The following FAM234B variants were observed in gnomAD, a reference collection of about 807,000 sequenced individuals.
FAM234B encodes the protein family with sequence similarity 234 member B, also known as protein FAM234B.
Under a neutral mutation model 69.3 loss-of-function variants are expected in FAM234B, and 33 were observed. The observed-to-expected ratio is 0.48, with a 90% CI of 0.36 to 0.64. FAM234B has a LOEUF of 0.64. Ranked by LOEUF, FAM234B falls within the 30% of genes least tolerant of loss-of-function variation. The pLI, the probability that FAM234B is intolerant of heterozygous loss-of-function variation, is 0.00. For synonymous variants in FAM234B, 306 were observed against 306.9 expected (o/e 1.00, Z 0.03); for missense variants, 697 against 769.7 (o/e 0.91, Z 1.12).
chr12:13,080,869 G>A lies in FAM234B; in HGVS notation c.*239G>A, dbSNP rs1340979446. On this transcript the variant is annotated 3_prime_UTR_variant, in exon 13 of 13. Transcript: ENST00000197268. ...CATTAATCCCCTCTAGGAACTCTGC[G>A]TGGATCGTTTGGAAATGTGAATCTC... 6 of 435,066 alleles carry A rather than the reference G, an allele frequency of 1.4e-5. No individual in the cohort carries two copies. Among genetic ancestry groups the A allele is most frequent in the South Asian group, 6.5e-5 (1 of 15,442 alleles). 27.0% of individuals were successfully genotyped at this position (435,066 alleles called of 1,614,324 possible).
chr12:13,065,950 A>G (rs1377459179), intron 5 of FAM234B, among the ~76,000 whole-genome samples: 5 of 152,210 alleles, frequency 3.3e-5, no homozygotes, highest in Non-Finnish European at 1.5e-5. Flanking sequence ...CTCTACCCCA[A>G]AAGAAATCCT....
At position 13,068,654 on chromosome 12, in the gene FAM234B, T is replaced by C; in HGVS notation, c.1311T>C (p.Thr437=). 6.2e-7 allele frequency: 1 copy of C among 1,612,956 alleles called. No homozygotes were observed. Among genetic ancestry groups the C allele is most frequent in the Non-Finnish European group, 8.5e-7 (1 of 1,179,006 alleles). ...GCCAGCCTACTCCTGGATATTTCAC[T>C]GATGATCAGACATTAGATTTCCTTC... ...LRSQPTPGYF[T]DDQTLDFLLQ... The change falls in exon 9 of 13, where the codon ACT becomes ACC. Residue 437 remains threonine (T), a synonymous_variant. Coordinates refer to ENST00000197268, the MANE Select transcript of FAM234B (RefSeq NM_020853.2).
chr12:13,046,390 T>A (rs1279454718), intron 1 of FAM234B, among the ~76,000 whole-genome samples: 1 of 152,210 alleles, frequency 6.6e-6, no homozygotes, highest in Non-Finnish European at 1.5e-5. Flanking sequence ...GAGACTGCTG[T>A]CCTGTTTGGG....
Position 13,055,820 on chromosome 12 carries a change from C to A in FAM234B, c.307C>A (p.Arg103Ser). The A allele has an allele frequency of 6.2e-7, 1 of 1,614,132 alleles. No homozygotes were observed. Among genetic ancestry groups the A allele is most frequent in the Non-Finnish European group, 8.5e-7 (1 of 1,180,036 alleles). ...GGCCTCCTCCCTGGTGTCATATGTG[C>A]GCACGTCTGTCTTCCTGCTGACTTT... Reference protein sequence around the residue: ...KAASSLVSYVRTSVFLLTLGI... With the variant: ...KAASSLVSYVSTSVFLLTLGI... The change falls in exon 2 of 13, where the codon CGC becomes AGC. Residue 103 changes from arginine (R) to serine (S), a missense_variant. Around this residue, in one of 3 missense-constraint regions of FAM234B, gnomAD observed 380 missense variants for 447.1 expected, o/e 0.85. Coordinates refer to ENST00000197268, the MANE Select transcript of FAM234B (RefSeq NM_020853.2).
intron 5 of FAM234B, among the ~76,000 whole-genome samples, chr12:13,065,977 C>T (rs187548646): frequency 3.3e-5 from 5 of 152,308 alleles, no homozygotes; most frequent in Admixed American, 3.3e-4. Context: ...CTGAAGTTGG[C>T]AACTGTGGCT....
intron 11 of FAM234B, among the ~76,000 whole-genome samples, chr12:13,077,673 G>T (rs1865177151): frequency 6.6e-6 from 1 of 151,288 alleles, no homozygotes; most frequent in Non-Finnish European, 1.5e-5. Context: ...GTCTATCATT[G>T]TTGGACATTT....
intron 1 of FAM234B, among the ~76,000 whole-genome samples, chr12:13,053,687 G>A (rs558334872): frequency 9.8e-5 from 15 of 152,298 alleles, no homozygotes; most frequent in African/African-American, 2.9e-4. Flanking sequence ...TGCTGTGCAC[G>A]TATTGTCTTG....
chr12:13,074,040 C>T (rs752027217), intron 10 of FAM234B, among the ~76,000 whole-genome samples: 8 of 152,288 alleles, frequency 5.3e-5, no homozygotes, highest in Middle Eastern at 6.8e-3. Flanking sequence ...CTTGCTTCAC[C>T]TTTTTGGCAG....
At chr12:13,047,572 TC>T (rs1264963874) in intron 1 of FAM234B, among the ~76,000 whole-genome samples, 2 of 152,230 alleles carry the variant, frequency 1.3e-5, no homozygotes, top group Non-Finnish European at 2.9e-5. Context: ...ATTTGTGTTT[TC>T]CTCTCTACCA....
chr12:13,050,006 C>T (rs547360367), intron 1 of FAM234B, among the ~76,000 whole-genome samples: 40 of 152,266 alleles, frequency 2.6e-4, no homozygotes, highest in African/African-American at 9.1e-4. Context: ...CCTGTTAAGT[C>T]AGCTGGCTCC....
chr12:13,062,513 T>C, intron 4 of FAM234B: 1 of 178,910 alleles, frequency 5.6e-6, no homozygotes, highest in East Asian at 1.5e-4. Context: ...TGGGGGTTCC[T>C]TAATAGTTGT....
intron 1 of FAM234B, among the ~76,000 whole-genome samples, chr12:13,048,265 A>G (rs78130400): frequency 0.079 from 11,981 of 152,180 alleles, 841 homozygotes; most frequent in East Asian, 0.33. Context: ...CTATGGAGAA[A>G]TCTTTGCCTG....
intron 6 of FAM234B, 161 bp downstream of exon 6, chr12:13,066,948 A>G (rs1865046085): frequency 2.1e-6 from 2 of 935,128 alleles, no homozygotes; most frequent in Admixed American, 5.4e-5. Context: ...ACAGGCTATT[A>G]ACTCTGCCTT....
At chr12:13,049,395 G>T (rs1864850494) in intron 1 of FAM234B, among the ~76,000 whole-genome samples, 1 of 152,204 alleles carries the variant, frequency 6.6e-6, no homozygotes, top group African/African-American at 2.4e-5. Flanking sequence ...GGCCGGGCTG[G>T]TCTTGAAGTC....
rs192536092 is a variant in FAM234B, at chr12:13,079,673, A to G, written c.1643-116A>G. 1,022 of 681,992 alleles carry G rather than the reference A, an allele frequency of 1.5e-3. 11 individuals carry two copies. The highest frequency in any genetic ancestry group is 1.9e-4 in the Non-Finnish European group (74 of 388,880). 42.2% of individuals were successfully genotyped at this position (681,992 alleles called of 1,614,324 possible). On this transcript the variant is annotated intron_variant, in intron 11 of 12. Coordinates refer to ENST00000197268, the MANE Select transcript of FAM234B (RefSeq NM_020853.2). Reference sequence around the variant, plus strand: ...ACTGCCTTCTGTTTATTCAGTGCTCAGTACATTTCCTGTATGAACTTATGA... The same window carrying G: ...ACTGCCTTCTGTTTATTCAGTGCTCGGTACATTTCCTGTATGAACTTATGA...
chr12:13,062,045 C>A, intron 4 of FAM234B: 1 of 281,026 alleles, frequency 3.6e-6, no homozygotes, highest in Non-Finnish European at 6.6e-6. Context: ...CAACTCTGTT[C>A]TTTGTACAAA....
Position 13,080,827 on chromosome 12 carries a change from TA to T in FAM234B, c.*198del. The T allele has an allele frequency of 1.9e-6, 1 of 516,576 alleles. No homozygotes were observed. Among genetic ancestry groups the T allele is most frequent in the Non-Finnish European group, 3.4e-6 (1 of 293,728 alleles). The allele number at this position is 516,576 out of a possible 1,614,324, so 32.0% of individuals were successfully genotyped here. A position where few individuals can be genotyped will look rare whatever the true frequency, so the allele number is the denominator to read the frequency against. On this transcript the variant is annotated 3_prime_UTR_variant, in exon 13 of 13. Coordinates refer to ENST00000197268, the MANE Select transcript of FAM234B (RefSeq NM_020853.2). ...ATCTATTTGGCTGGGGCATCTTACC[TA>T]CCTTTTCAGTCCCTGCATTAATCCC... is the stretch of plus-strand genomic sequence containing the variant.
chr12:13,060,986 A>G (rs922729289), intron 3 of FAM234B, among the ~76,000 whole-genome samples: 2 of 152,244 alleles, frequency 1.3e-5, no homozygotes, highest in Non-Finnish European at 2.9e-5. Context: ...AGACCCACTC[A>G]TCATTGCTAT....
At chr12:13,068,053 A>G (rs924233662) in intron 7 of FAM234B, among the ~76,000 whole-genome samples, 2 of 152,152 alleles carry the variant, frequency 1.3e-5, no homozygotes, top group Admixed American at 6.6e-5. Flanking sequence ...TGTGAGAGAT[A>G]TTGCACTGTA....
Sources: gnomAD v4.1 joint callset for allele counts (sites outside exome capture counted in the v4.1 genomes callset) on GRCh38, gnomAD v4.1.1 for gene constraint, gnomAD v4.1.1 regional missense constraint, MANE v1.5 for transcripts, NCBI Gene and HGNC (gene_info 2026-07-23, HGNC 2026-07-21) for gene names.